EFCAB14: variants seen among roughly 807,000 people sequenced by gnomAD.
EFCAB14 encodes the protein EF-hand calcium binding domain 14.
A neutral mutation model predicts 56.5 loss-of-function variants in EFCAB14; 43 were observed. The ratio of observed to expected loss-of-function variants is 0.76; its 90% CI spans 0.60 to 0.98. The LOEUF is 0.98. Among genes scored for constraint, EFCAB14 ranks in the 50% least tolerant of loss-of-function variants. The pLI, the probability that EFCAB14 is intolerant of heterozygous loss-of-function variation, is 0.00. For missense variants in EFCAB14, 538 were observed against 580.3 expected, an observed-to-expected ratio of 0.93 and a Z score of 0.75; for synonymous variants, 235 against 212.9, an observed-to-expected ratio of 1.10 and a Z score of -0.90.
chr1:46,708,669 A>T (rs368608668), intron 2 of EFCAB14, among the ~76,000 whole-genome samples: 3 of 152,326 alleles, frequency 2.0e-5, no homozygotes, highest in African/African-American at 7.2e-5. Context: ...AAGATTTTTA[A>T]TCTTTTTCAT....
rs1677427634 is a variant in EFCAB14 at position 46,718,181 on chromosome 1, G to A, written c.-94C>T. The stretch of plus-strand genomic sequence containing the variant: ...TTCCTGCCTTGGAGCTGCCTTCCAG[G>A]GTTGGGAATCCTGGGCCAGAGCCCC... On this transcript the variant is annotated 5_prime_UTR_variant, in exon 1 of 11. Transcript: ENST00000371933. 3 of 1,407,594 alleles carry A rather than the reference G, an allele frequency of 2.1e-6. No homozygotes were observed. The highest frequency in any genetic ancestry group is 9.7e-7 in the Non-Finnish European group (1 of 1,030,640). 87.2% of individuals were successfully genotyped at this position (1,407,594 alleles called of 1,614,324 possible). A position where few individuals can be genotyped will look rare whatever the true frequency, so the allele number is the denominator to read the frequency against.
At position 46,676,431 on chromosome 1, in the gene EFCAB14, T is replaced by C. The variant is rs894386203; in HGVS notation, c.*2030A>G. 2 of 152,606 alleles carry C rather than the reference T, an allele frequency of 1.3e-5. No individual in the cohort carries two copies. The highest frequency in any genetic ancestry group is 4.8e-5 in the African/African-American group (2 of 41,448). The allele number at this position is 152,606 out of a possible 1,614,324, so 9.5% of individuals were successfully genotyped here. Reference sequence around the variant, plus strand: ...AAGGTGTCTTCAAAGTATCTGCCTATGAATAAGAATTTGAAACTAAAAAGG... The same window carrying C: ...AAGGTGTCTTCAAAGTATCTGCCTACGAATAAGAATTTGAAACTAAAAAGG... On this transcript the variant is annotated 3_prime_UTR_variant, in exon 11 of 11. Coordinates refer to ENST00000371933, the MANE Select transcript of EFCAB14 (RefSeq NM_014774.3).
chr1:46,693,913 GA>G (rs1677036988), intron 4 of EFCAB14, among the ~76,000 whole-genome samples: 1 of 152,088 alleles, frequency 6.6e-6, no homozygotes, highest in African/African-American at 2.4e-5. Context: ...AGAGCCCTCA[GA>G]AATAATACCA....
intron 7 of EFCAB14, 33 bp downstream of exon 7, chr1:46,688,320 A>C: frequency 6.3e-7 from 1 of 1,597,410 alleles, no homozygotes; most frequent in Non-Finnish European, 8.6e-7. Flanking sequence ...GACAAAACAC[A>C]CTGCATGTCA....
At chr1:46,705,276 A>G (rs534010354) in intron 3 of EFCAB14, among the ~76,000 whole-genome samples, 3 of 152,348 alleles carry the variant, frequency 2.0e-5, no homozygotes, top group South Asian at 2.1e-4. Context: ...GGCTGGCTTC[A>G]TAAGTCAGTC....
At chr1:46,700,498 T>A (rs1221059131) in intron 3 of EFCAB14, among the ~76,000 whole-genome samples, 1 of 152,202 alleles carries the variant, frequency 6.6e-6, no homozygotes, top group Admixed American at 6.5e-5. Context: ...TTTTCACTCA[T>A]GCCTTTAAAA....
chr1:46,691,768 C>A, intron 5 of EFCAB14, 59 bp downstream of exon 5: 1 of 1,323,124 alleles, frequency 7.6e-7, no homozygotes, highest in Non-Finnish European at 1.1e-6. Flanking sequence ...AAGTTGGCAA[C>A]ATGACTCTTA....
chr1:46,700,044 G>C (rs949877353), intron 3 of EFCAB14, among the ~76,000 whole-genome samples: 1 of 152,156 alleles, frequency 6.6e-6, no homozygotes, highest in Non-Finnish European at 1.5e-5. Context: ...CAGACCTCCA[G>C]GTTATAAAGA....
At chr1:46,680,985 T>G (rs1676784221) in intron 10 of EFCAB14, among the ~76,000 whole-genome samples, 1 of 152,134 alleles carries the variant, frequency 6.6e-6, no homozygotes, top group African/African-American at 2.4e-5. Flanking sequence ...TTTTTTTTTT[T>G]TTTGAGACAG....
At chr1:46,709,792 A>G (rs769121296) in intron 2 of EFCAB14, among the ~76,000 whole-genome samples, 2 of 152,174 alleles carry the variant, frequency 1.3e-5, no homozygotes, top group Non-Finnish European at 2.9e-5. Context: ...GTTTGAGACC[A>G]GCCTGGTCAA....
rs1676729619 is a variant in EFCAB14 at position 46,678,376 on chromosome 1, A to G, written c.*85T>C. ...ATCTGCTACAGTAGTTTGGAGGACT[A>G]GAGGACTGATGGGTAAGTAAGGGTT... On this transcript the variant is annotated 3_prime_UTR_variant, in exon 11 of 11. Transcript: ENST00000371933. 7 of 1,449,788 alleles carry G rather than the reference A, an allele frequency of 4.8e-6. No homozygotes were observed. In the Admixed American group the frequency reaches 1.3e-4, roughly 26 times the overall value. 89.8% of individuals were successfully genotyped at this position (1,449,788 alleles called of 1,614,324 possible).
In EFCAB14 at chr1:46,676,510, A is replaced by G. The variant is rs1247821959; in HGVS notation, c.*1951T>C. 1 of 152,640 alleles carries G rather than the reference A, an allele frequency of 6.6e-6. No homozygotes were observed. The highest frequency in any genetic ancestry group is 1.9e-4 in the East Asian group (1 of 5,202). The allele number at this position is 152,640 out of a possible 1,614,324, so 9.5% of individuals were successfully genotyped here. A position where few individuals can be genotyped will look rare whatever the true frequency, so the allele number is the denominator to read the frequency against. On this transcript the variant is annotated 3_prime_UTR_variant, in exon 11 of 11. Transcript: ENST00000371933. ...CATATAAATCAGTTCTCAAAAAAAT[A>G]CCTTCCAGGTACAGACATACTATTT...
In EFCAB14 at chr1:46,696,645, G is replaced by A. The variant is rs1211570989; in HGVS notation, c.485C>T (p.Ser162Phe). The change falls in exon 4 of 11, where the codon TCT becomes TTT. Residue 162 changes from serine to phenylalanine, a missense_variant. Physicochemically the swap from Ser to Phe is radical, Grantham distance 155. Transcript: ENST00000371933. ...INITEMNKQISLLTSAVNHLK... is the reference protein window; with the variant it reads ...INITEMNKQIFLLTSAVNHLK... ...GTGGTTCACTGCAGAAGTCAACAGA[G>A]AAATCTGAACAAAAAAGAGTAACAA... is the stretch of plus-strand genomic sequence containing the variant. The A allele has an allele frequency of 2.5e-6, 4 of 1,613,066 alleles. No individual in the cohort carries two copies. The highest frequency in any genetic ancestry group is 2.5e-6 in the Non-Finnish European group (3 of 1,179,316).
rs538464007 is a variant in EFCAB14, at chr1:46,683,163, A to G, written c.1312+137T>C. On this transcript the variant is annotated intron_variant, in intron 10 of 10. Transcript: ENST00000371933. ...GATGGTTATCAGGATTATATGACAT[A>G]ATGCATATAAAGTATCTGGCACTTG... 9.3e-4 allele frequency: 874 copies of G among 943,406 alleles called. 2 individuals are homozygous for G. Among genetic ancestry groups the G allele is most frequent in the Admixed American group, 1.6e-3 (64 of 40,362 alleles). The allele number at this position is 943,406 out of a possible 1,614,324, so 58.4% of individuals were successfully genotyped here. A position where few individuals can be genotyped will look rare whatever the true frequency, so the allele number is the denominator to read the frequency against.
Position 46,678,515 on chromosome 1 carries a change from G to A in EFCAB14, c.1434C>T (p.Ser478=), listed in dbSNP as rs146172273. 2.0e-4 allele frequency: 324 copies of A among 1,614,050 alleles called. 2 individuals carry two copies. Among genetic ancestry groups the A allele is most frequent in the South Asian group, 1.5e-3 (135 of 91,068 alleles). ...PEPESLRAFD[S]DGDGRYSFLE... The stretch of plus-strand genomic sequence containing the variant: ...GGAATGAGTATCTTCCATCTCCATC[G>A]GAATCAAATGCTCTCAAGCTCTCTG... Residue 478 remains serine, a synonymous_variant, in exon 11 of 11, where the codon TCC becomes TCT. Coordinates refer to ENST00000371933, the MANE Select transcript of EFCAB14 (RefSeq NM_014774.3).
intron 10 of EFCAB14, 62 bp downstream of exon 10, chr1:46,683,238 T>C (rs1378651987): frequency 6.4e-6 from 10 of 1,552,646 alleles, no homozygotes; most frequent in Middle Eastern, 1.7e-4. Flanking sequence ...CAAGTGAAAA[T>C]AAACATTAAA....
rs1676686228 is a variant in EFCAB14 at position 46,675,855 on chromosome 1, A to G, written c.*2606T>C. On this transcript the variant is annotated 3_prime_UTR_variant, in exon 11 of 11. Transcript: ENST00000371933. Reference sequence around the variant, plus strand: ...TAGTAAACATTATACAAGATAGTACAAGGCAAAAGAAAACAAGGACCAAGA... The same window carrying G: ...TAGTAAACATTATACAAGATAGTACGAGGCAAAAGAAAACAAGGACCAAGA... 6.6e-6 allele frequency: 1 copy of G among 152,214 alleles called. No individual in the cohort carries two copies. The highest frequency in any genetic ancestry group is 1.5e-5 in the Non-Finnish European group (1 of 68,034). 9.4% of individuals were successfully genotyped at this position (152,214 alleles called of 1,614,324 possible). A position where few individuals can be genotyped will look rare whatever the true frequency, so the allele number is the denominator to read the frequency against.
intron 1 of EFCAB14, 33 bp from the exon 2 acceptor site, chr1:46,716,476 A>G (rs1326975455): frequency 1.9e-5 from 31 of 1,611,758 alleles, no homozygotes; most frequent in Admixed American, 1.0e-4. Flanking sequence ...CCATGAGTAC[A>G]AAAGTGATTA....
At position 46,718,626 on chromosome 1, in the gene EFCAB14, A is replaced by C. The variant is rs1189124954; in HGVS notation, c.-539T>G. On this transcript the variant is annotated 5_prime_UTR_variant, in exon 1 of 11. Transcript: ENST00000371933. ...AACGCGTCAGTCCCTTCCTTGCAGG[A>C]GAGGTGGCGGCAGGAGGGGGCTCCC... The C allele has an allele frequency of 6.5e-6, 1 of 152,730 alleles. No individual in the cohort carries two copies. The highest frequency in any genetic ancestry group is 2.4e-5 in the African/African-American group (1 of 41,438). 9.5% of individuals were successfully genotyped at this position (152,730 alleles called of 1,614,324 possible). A position where few individuals can be genotyped will look rare whatever the true frequency, so the allele number is the denominator to read the frequency against.
Sources: gnomAD v4.1 joint callset for allele counts (sites outside exome capture counted in the v4.1 genomes callset) on GRCh38, gnomAD v4.1.1 for gene constraint, MANE v1.5 for transcripts, NCBI Gene and HGNC (gene_info 2026-07-23, HGNC 2026-07-21) for gene names.